Variants in PARL observed in about 807,000 individuals in gnomAD.
PARL encodes the protein presenilin associated rhomboid like.
PARL carries 44 observed loss-of-function variants against 51.6 expected under a neutral mutation model. The observed-to-expected ratio is 0.85, with a 90% CI of 0.67 to 1.10. The LOEUF is 1.10. Ranked by LOEUF, PARL falls within the 50% of genes least tolerant of loss-of-function variation. The pLI is 0.00. For synonymous variants in PARL, 172 were observed against 164.0 expected, an observed-to-expected ratio of 1.05 and a Z score of -0.37; for missense variants, 441 against 469.5, an observed-to-expected ratio of 0.94 and a Z score of 0.56.
At chr3:183,852,348 A>G (rs1730640305) in intron 4 of PARL, among the ~76,000 whole-genome samples, 1 of 152,176 alleles carries the variant, frequency 6.6e-6, no homozygotes, top group African/African-American at 2.4e-5. Context: ...TCATGCTACA[A>G]TATCGACGAA....
chr3:183,880,268 G>A (rs947331447), intron 1 of PARL, among the ~76,000 whole-genome samples: 2 of 152,162 alleles, frequency 1.3e-5, no homozygotes, highest in African/African-American at 4.8e-5. Flanking sequence ...ACTCACGACA[G>A]CAGGCCTGCC....
chr3:183,872,299 G>T (rs1217707069), intron 1 of PARL, among the ~76,000 whole-genome samples: 2 of 152,136 alleles, frequency 1.3e-5, no homozygotes, highest in Admixed American at 1.3e-4. Flanking sequence ...ACCATGCCTG[G>T]CCTAAGAATG....
intron 4 of PARL, chr3:183,856,313 C>G (rs1731173929): frequency 6.6e-6 from 1 of 152,264 alleles, no homozygotes; most frequent in African/African-American, 2.4e-5. Context: ...GGCCAATTCA[C>G]CCCTCCAAAG....
chr3:183,882,861 C>CT (rs1390749152), intron 1 of PARL, among the ~76,000 whole-genome samples: 1 of 152,060 alleles, frequency 6.6e-6, no homozygotes, highest in Non-Finnish European at 1.5e-5. Flanking sequence ...ATTAATACAT[C>CT]AAATGACACG....
intron 9 of PARL, among the ~76,000 whole-genome samples, chr3:183,829,996 G>T (rs1339774271): frequency 2.8e-5 from 4 of 143,552 alleles, no homozygotes; most frequent in Non-Finnish European, 6.2e-5. Context: ...TCCCATCGCA[G>T]ACATGAAGCA....
intron 2 of PARL, among the ~76,000 whole-genome samples, chr3:183,867,171 C>T (rs1253068026): frequency 6.6e-6 from 1 of 152,058 alleles, no homozygotes; most frequent in African/African-American, 2.4e-5. Flanking sequence ...ACCTTGGCCT[C>T]CAGTGCTGGG....
At chr3:183,830,440 G>C (rs943372046) in intron 9 of PARL, among the ~76,000 whole-genome samples, 9 of 152,078 alleles carry the variant, frequency 5.9e-5, no homozygotes, top group Admixed American at 5.9e-4. Flanking sequence ...CTGTGAGCTG[G>C]GGAGCACACT....
At chr3:183,858,597 A>G (rs925362721) in intron 4 of PARL, among the ~76,000 whole-genome samples, 3 of 152,198 alleles carry the variant, frequency 2.0e-5, no homozygotes, top group Non-Finnish European at 4.4e-5. Flanking sequence ...TAAAGTCAGC[A>G]TTCTCTTGAA....
At position 183,882,244 on chromosome 3, in the gene PARL, TTTATATATATATATATATATATA is replaced by T. The variant is rs1560442191; in HGVS notation, c.125+2455_125+2477del. ...AAAAATATATATATATATATATATA[TTTATATATATATATATATATATA>T]TTTATATATATATATACACACACAC... On this transcript the variant is annotated intron_variant, in intron 1 of 9. Transcript: ENST00000317096. Among the ~76,000 whole-genome samples the T allele has an allele frequency of 5.1e-4, 10 of 19,466 alleles. 1 individual carries two copies. The highest frequency in any genetic ancestry group is 1.6e-3 in the African/African-American group (9 of 5,740). The allele number at this position is 19,466 out of a possible 152,430, so 12.8% of individuals were successfully genotyped here.
At chr3:183,845,753 A>T (rs1729874403) in intron 4 of PARL, among the ~76,000 whole-genome samples, 2 of 152,198 alleles carry the variant, frequency 1.3e-5, no homozygotes, top group Non-Finnish European at 2.9e-5. Context: ...GGTTTACCCT[A>T]TAGGAAGAGA....
At chr3:183,843,335 G>T in intron 5 of PARL, 1 of 979,254 alleles carries the variant, frequency 1.0e-6, no homozygotes, top group East Asian at 1.1e-4. Flanking sequence ...GGGCAACATG[G>T]CAAGACCTCA....
At chr3:183,881,859 AAAC>A (rs1734468988) in intron 1 of PARL, among the ~76,000 whole-genome samples, 1 of 152,180 alleles carries the variant, frequency 6.6e-6, no homozygotes, top group South Asian at 2.1e-4. Flanking sequence ...TGGTCAGTTA[AAAC>A]AAAATATAAT....
intron 4 of PARL, among the ~76,000 whole-genome samples, chr3:183,859,382 G>A (rs933616591): frequency 1.3e-5 from 2 of 152,162 alleles, no homozygotes; most frequent in Non-Finnish European, 2.9e-5. Flanking sequence ...CTACTGCCCA[G>A]GCTGGAGGGC....
chr3:183,830,875 A>G (rs1180709488), intron 9 of PARL, among the ~76,000 whole-genome samples: 2 of 152,234 alleles, frequency 1.3e-5, no homozygotes, highest in African/African-American at 4.8e-5. Context: ...TGGTGAATTT[A>G]GAATGAGAGA....
chr3:183,865,188 G>A (rs1337095638), intron 3 of PARL, among the ~76,000 whole-genome samples: 1 of 152,106 alleles, frequency 6.6e-6, no homozygotes, highest in African/African-American at 2.4e-5. Flanking sequence ...CACGCCTGTA[G>A]TCCCAGCTAC....
intron 7 of PARL, 93 bp from the exon 8 acceptor site, chr3:183,833,918 T>C (rs1307131201): frequency 1.2e-6 from 1 of 825,836 alleles, no homozygotes; most frequent in Non-Finnish European, 2.1e-6. Context: ...TCTAGAAAGT[T>C]TACATGCTGC....
chr3:183,867,865 C>T lies in PARL; in HGVS notation c.321G>A (p.Gly107=). ...AACTCCTAGCAAAGTGAGCTCTTAC[C>T]CCAACAGTAAAAAATAAAGGTTTTA... The part of the protein sequence containing the change: ...SLIKPLFFTV[G]FTGCAFGSAA... The change falls in exon 2 of 10, where the codon GGG becomes GGA. Residue 107 remains glycine (G), a splice_region_variant and synonymous_variant. Transcript: ENST00000317096. The T allele has an allele frequency of 6.2e-7, 1 of 1,607,934 alleles. No homozygotes were observed. Among genetic ancestry groups the T allele is most frequent in the Non-Finnish European group, 8.5e-7 (1 of 1,175,672 alleles).
At chr3:183,844,712 A>G (rs1400991493) in intron 4 of PARL, 1 of 184,266 alleles carries the variant, frequency 5.4e-6, no homozygotes, top group Non-Finnish European at 1.1e-5. Context: ...AAGAGCTAAC[A>G]TTACTTCTTT....
At chr3:183,875,323 G>A (rs1733667390) in intron 1 of PARL, among the ~76,000 whole-genome samples, 1 of 146,832 alleles carries the variant, frequency 6.8e-6, no homozygotes, top group African/African-American at 2.5e-5. Flanking sequence ...GTTGAGGCAG[G>A]AGAATCGCTT....
Sources: gnomAD v4.1 joint callset for allele counts (sites outside exome capture counted in the v4.1 genomes callset) on GRCh38, gnomAD v4.1.1 for gene constraint, MANE v1.5 for transcripts, NCBI Gene and HGNC (gene_info 2026-07-23, HGNC 2026-07-21) for gene names.